AOPEP: variants seen among roughly 807,000 people sequenced by gnomAD.
AOPEP encodes the protein aminopeptidase O (putative).
In AOPEP, 77 loss-of-function variants were observed where a neutral mutation model predicts 98.1. That is an observed-to-expected ratio of 0.78 (90% CI 0.65 to 0.95). AOPEP has a LOEUF of 0.95. Ranked by LOEUF, AOPEP falls within the 40% of genes least tolerant of loss-of-function variation. The pLI, the probability that AOPEP is intolerant of heterozygous loss-of-function variation, is 0.00. For missense variants in AOPEP, 1,024 were observed against 1,024.7 expected (o/e 1.00, Z 0.01); for synonymous variants, 346 against 365.3 (o/e 0.95, Z 0.60).
intron 5 of AOPEP, 93 bp from the exon 6 acceptor site, chr9:94,923,893 C>A (rs2053944646): frequency 2.5e-6 from 2 of 792,266 alleles, no homozygotes; most frequent in Non-Finnish European, 3.6e-6. Flanking sequence ...ATGATAATAA[C>A]AGGCTTGCCA....
At chr9:94,800,544 A>G (rs1847988957) in intron 4 of AOPEP, among the ~76,000 whole-genome samples, 1 of 152,178 alleles carries the variant, frequency 6.6e-6, no homozygotes, top group Admixed American at 6.5e-5. Flanking sequence ...GATTGAAGCT[A>G]GTCTATTGAT....
intron 5 of AOPEP, among the ~76,000 whole-genome samples, chr9:94,906,483 A>AATAAT (rs138384769): frequency 0.012 from 1,739 of 145,664 alleles, 19 homozygotes; most frequent in Non-Finnish European, 0.018. Flanking sequence ...TAATAATAAT[A>AATAAT]AAAAAACAGA....
intron 9 of AOPEP, among the ~76,000 whole-genome samples, chr9:94,957,116 A>G (rs981581508): frequency 6.6e-6 from 1 of 152,176 alleles, no homozygotes; most frequent in African/African-American, 2.4e-5. Context: ...TGTATTTACC[A>G]TGACTTCGGA....
chr9:95,119,302 T>A, the AOPEP span, among the ~76,000 whole-genome samples: 1 of 152,206 alleles, frequency 6.6e-6, no homozygotes, highest in African/African-American at 2.4e-5. Context: ...GTTGTATACA[T>A]ATATTACAAA....
At chr9:94,921,403 A>C (rs2053605103) in intron 5 of AOPEP, 1 of 152,244 alleles carries the variant, frequency 6.6e-6, no homozygotes, top group Admixed American at 6.5e-5. Context: ...TGGGTAGATT[A>C]CCTGTTGGGA....
chr9:94,800,983 C>T lies in AOPEP; in HGVS notation c.1345C>T (p.Pro449Ser). ...TGTTCTCATCGTCCCTGCCAACTTT[C>T]CAAGTCTGGGGATGGCCAGGTATGT... ...LDVLIVPANF[P>S]SLGMASPHIM... The change falls in exon 5 of 17, where the codon CCA becomes TCA. Residue 449 changes from proline (P) to serine (S), a missense_variant. Pro to Ser is a moderately conservative substitution (Grantham distance 74). Transcript: ENST00000375315. 1.2e-6 allele frequency: 2 copies of T among 1,614,214 alleles called. No individual in the cohort carries two copies. The highest frequency in any genetic ancestry group is 2.2e-5 in the South Asian group (2 of 91,084).
intron 7 of AOPEP, among the ~76,000 whole-genome samples, chr9:94,939,157 A>T (rs1588993829): frequency 6.6e-6 from 1 of 151,852 alleles, no homozygotes; most frequent in Admixed American, 6.6e-5. Flanking sequence ...CTGAGGCAGG[A>T]GAATCACTTG....
At chr9:94,895,443 A>G (rs1472222496) in intron 5 of AOPEP, among the ~76,000 whole-genome samples, 1 of 151,070 alleles carries the variant, frequency 6.6e-6, no homozygotes, top group Admixed American at 6.6e-5. Flanking sequence ...CTAGCATTAT[A>G]TTAGTAATGA....
rs1231240570 is a variant in AOPEP, at chr9:94,972,697, G to A, written c.1916+4896G>A. 6.6e-6 allele frequency among the ~76,000 whole-genome samples: 1 copy of A among 152,154 alleles called. No homozygotes were observed. Among genetic ancestry groups the A allele is most frequent in the African/African-American group, 2.4e-5 (1 of 41,442 alleles). ...TCATGCCTGTAATCCCAGCACTTTG[G>A]GAGGCCAAGGTGGGCAGATCACTTT... On this transcript the variant is annotated intron_variant, in intron 10 of 16. Transcript: ENST00000375315. The surrounding 1 kb of genome is among the most constrained non-coding windows in gnomAD (Gnocchi z 4.2).
At chr9:94,769,723 T>G (rs886175720) in intron 2 of AOPEP, among the ~76,000 whole-genome samples, 3 of 152,186 alleles carry the variant, frequency 2.0e-5, no homozygotes, top group Non-Finnish European at 4.4e-5. Flanking sequence ...TAGAGAATTG[T>G]AAGCACACTG....
At chr9:94,962,730 C>CTTTTTTTT (rs3992777) in intron 9 of AOPEP, among the ~76,000 whole-genome samples, 192 of 129,730 alleles carry the variant, frequency 1.5e-3, no homozygotes, top group African/African-American at 4.3e-3. Flanking sequence ...ATATTATCAT[C>CTTTTTTTT]TTTTTTTTTT....
intron 5 of AOPEP, chr9:94,824,614 GGGTGGAACCA>G (rs1469077603): frequency 3.3e-5 from 5 of 152,180 alleles, no homozygotes; most frequent in African/African-American, 1.2e-4. Context: ...ATTTGCAGAA[GGGTGGAACCA>G]GGAGCTCATG....
rs560985653 is a variant in AOPEP, at chr9:94,730,006, C to T, written c.-136+3255C>T. Among the ~76,000 whole-genome samples the T allele has an allele frequency of 6.4e-4, 97 of 152,254 alleles. 1 individual carries two copies. The highest frequency in any genetic ancestry group is 4.6e-4 in the Admixed American group (7 of 15,296). The stretch of plus-strand genomic sequence containing the variant: ...TTCCACATAATGAAAATGTCTGGGC[C>T]GGGCACAGTGGCTCACGCCTGTAAT... On this transcript the variant is annotated intron_variant, in intron 1 of 16. Coordinates refer to ENST00000375315, the MANE Select transcript of AOPEP (RefSeq NM_001193329.3).
the AOPEP span, among the ~76,000 whole-genome samples, chr9:95,105,211 G>A: frequency 1.3e-5 from 2 of 152,184 alleles, no homozygotes; most frequent in South Asian, 4.1e-4. Flanking sequence ...TGTCCTACCA[G>A]GATGGAGACA....
intron 8 of AOPEP, 59 bp from the exon 9 acceptor site, chr9:94,955,849 C>A: frequency 8.2e-7 from 1 of 1,224,234 alleles, no homozygotes; most frequent in Non-Finnish European, 1.2e-6. Context: ...GACTATATAA[C>A]CATTTTTTTA....
chr9:94,852,391 C>T (rs928125887), intron 5 of AOPEP, among the ~76,000 whole-genome samples: 3 of 152,178 alleles, frequency 2.0e-5, no homozygotes, highest in Non-Finnish European at 4.4e-5. Context: ...GGCTTCCTGA[C>T]TTGAGATGTT....
chr9:95,116,083 A>G, the AOPEP span, among the ~76,000 whole-genome samples: 1 of 152,280 alleles, frequency 6.6e-6, no homozygotes, highest in Middle Eastern at 3.2e-3. Context: ...ACATAAATCT[A>G]CAAGTTACAC....
At chr9:94,733,829 G>A (rs1317483659) in intron 1 of AOPEP, among the ~76,000 whole-genome samples, 1 of 152,036 alleles carries the variant, frequency 6.6e-6, no homozygotes, top group Non-Finnish European at 1.5e-5. Flanking sequence ...GAAATATTTT[G>A]TCTTGGCAAG....
At chr9:94,964,799 C>G (rs1174652481) in intron 9 of AOPEP, among the ~76,000 whole-genome samples, 2 of 151,914 alleles carry the variant, frequency 1.3e-5, no homozygotes, top group Non-Finnish European at 2.9e-5. Flanking sequence ...ACCAACCCAC[C>G]CAGCTAATTT....
Sources: allele counts gnomAD v4.1 joint callset (sites outside exome capture counted in the v4.1 genomes callset), GRCh38; gene constraint gnomAD v4.1.1; non-coding constraint Gnocchi (gnomAD v3.1); transcripts MANE v1.5; gene names NCBI Gene and HGNC (gene_info 2026-07-23, HGNC 2026-07-21).